HEPHL1: variants seen among roughly 807,000 people sequenced by gnomAD.
HEPHL1 encodes ferroxidase HEPHL1.
A neutral mutation model predicts 122.0 loss-of-function variants in HEPHL1; 123 were observed. The observed-to-expected ratio is 1.01, with a 90% CI of 0.87 to 1.17. The LOEUF (loss-of-function observed/expected upper bound fraction) is 1.17, where lower values mean the gene tolerates loss of function less well. HEPHL1 is among the 50% of genes most tolerant of loss of function. The pLI is 0.00. For synonymous variants in HEPHL1, 527 were observed against 508.9 expected, an observed-to-expected ratio of 1.04 and a Z score of -0.48; for missense variants, 1,452 against 1,430.5, an observed-to-expected ratio of 1.01 and a Z score of -0.24.
At chr11:94,066,588 G>A (rs1946036278) in intron 4 of HEPHL1, among the ~76,000 whole-genome samples, 1 of 151,966 alleles carries the variant, frequency 6.6e-6, no homozygotes. Flanking sequence ...ACTGGAAAAA[G>A]AGACCTAATC....
intron 2 of HEPHL1, among the ~76,000 whole-genome samples, chr11:94,057,821 G>C (rs920121502): frequency 6.6e-6 from 1 of 151,788 alleles, no homozygotes; most frequent in African/African-American, 2.4e-5. Flanking sequence ...AATCACACTT[G>C]CCTGTTTCTT....
chr11:94,070,450 G>T lies in HEPHL1; in HGVS notation c.1140G>T (p.Arg380Ser), dbSNP rs780507774. 3.1e-6 allele frequency: 5 copies of T among 1,608,472 alleles called. No individual in the cohort carries two copies. The highest frequency in any genetic ancestry group is 4.2e-6 in the Non-Finnish European group (5 of 1,177,170). ...IFYPKMKGQQ[R>S]RYFIAAEKIL... ...ACCCCAAGATGAAGGGTCAACAGAG[G>T]CGCTACTTTATAGCAGCTGAAAAAA... is the stretch of plus-strand genomic sequence containing the variant. The change falls in exon 6 of 20, where the codon AGG becomes AGT. Residue 380 changes from arginine to serine, a missense_variant. Physicochemically the swap from Arg to Ser is moderately radical, Grantham distance 110. Coordinates refer to ENST00000315765, the MANE Select transcript of HEPHL1 (RefSeq NM_001098672.2).
intron 10 of HEPHL1, 47 bp from the exon 11 acceptor site, chr11:94,085,930 C>T: frequency 7.5e-7 from 1 of 1,341,584 alleles, no homozygotes; most frequent in Non-Finnish European, 1.1e-6. Context: ...AGCTCCCCTG[C>T]CCCATACACA....
intron 1 of HEPHL1, among the ~76,000 whole-genome samples, chr11:94,042,988 G>T (rs1207598327): frequency 6.6e-6 from 1 of 151,672 alleles, no homozygotes; most frequent in Non-Finnish European, 1.5e-5. Context: ...GTTTCCTTTG[G>T]AAAGGATTGG....
chr11:94,066,753 A>G (rs1946038009), intron 4 of HEPHL1, among the ~76,000 whole-genome samples: 1 of 152,156 alleles, frequency 6.6e-6, no homozygotes, highest in Admixed American at 6.5e-5. Flanking sequence ...ATTGCTTTTA[A>G]CTCAGTTCGA....
chr11:94,046,996 G>A (rs1010264503), intron 2 of HEPHL1, among the ~76,000 whole-genome samples: 2 of 152,144 alleles, frequency 1.3e-5, no homozygotes, highest in African/African-American at 4.8e-5. Flanking sequence ...TAACTTGTGA[G>A]GCAGCTGCTC....
At chr11:94,054,534 T>C (rs1780434899) in intron 2 of HEPHL1, among the ~76,000 whole-genome samples, 1 of 152,220 alleles carries the variant, frequency 6.6e-6, no homozygotes, top group Admixed American at 6.5e-5. Flanking sequence ...TCTCTGACCC[T>C]CTCCAGCACC....
chr11:94,102,788 G>C (rs1946377749), intron 14 of HEPHL1, 126 bp from the exon 15 acceptor site: 2 of 590,108 alleles, frequency 3.4e-6, no homozygotes, highest in Non-Finnish European at 5.9e-6. Context: ...CATTTGTAAT[G>C]AATGAGTAAT....
At chr11:94,062,303 T>G (rs557236316) in intron 2 of HEPHL1, among the ~76,000 whole-genome samples, 1 of 152,338 alleles carries the variant, frequency 6.6e-6, no homozygotes, top group South Asian at 2.1e-4. Context: ...AAAGTAACTG[T>G]GATAATGTAT....
intron 13 of HEPHL1, among the ~76,000 whole-genome samples, chr11:94,100,322 G>A (rs1337631408): frequency 6.6e-6 from 1 of 152,206 alleles, no homozygotes; most frequent in African/African-American, 2.4e-5. Context: ...GTATCTCCCT[G>A]TGAATGTAGA....
In HEPHL1 at chr11:94,079,677, G is replaced by A. The variant is rs1055687105; in HGVS notation, c.1717-2741G>A. On this transcript the variant is annotated intron_variant, in intron 9 of 19. Transcript: ENST00000315765. ...GCAGAACACAGCAAGTGCAGAGGGT[G>A]ACAAGGAGCTTGGCCTTGCTTCAAA... 2.0e-5 allele frequency among the ~76,000 whole-genome samples: 3 copies of A among 152,316 alleles called. No homozygotes were observed. The South Asian group carries it at 6.2e-4, about 32-fold the overall frequency.
chr11:94,102,549 G>T (rs1336072513), intron 14 of HEPHL1, among the ~76,000 whole-genome samples: 1 of 152,176 alleles, frequency 6.6e-6, no homozygotes, highest in Non-Finnish European at 1.5e-5. Flanking sequence ...TCCCATAAGA[G>T]GCCAAAGCAG....
At chr11:94,108,421 C>T (rs1465871078) in intron 17 of HEPHL1, among the ~76,000 whole-genome samples, 1 of 151,880 alleles carries the variant, frequency 6.6e-6, no homozygotes, top group African/African-American at 2.4e-5. Flanking sequence ...AAATGAAGTA[C>T]AATTTTTCTT....
At chr11:94,093,683 G>A (rs929884710) in intron 13 of HEPHL1, 43 bp downstream of exon 13, 1 of 1,593,330 alleles carries the variant, frequency 6.3e-7, no homozygotes, top group Non-Finnish European at 8.5e-7. Flanking sequence ...CCCCAAGCAT[G>A]TGCATGCACA....
At chr11:94,080,977 A>G (rs372480867) in intron 9 of HEPHL1, among the ~76,000 whole-genome samples, 89 of 152,334 alleles carry the variant, frequency 5.8e-4, no homozygotes, top group African/African-American at 1.8e-3. Context: ...TTCTATCACA[A>G]AGATACATGC....
intron 9 of HEPHL1, among the ~76,000 whole-genome samples, chr11:94,078,848 A>G (rs1946147418): frequency 6.6e-6 from 1 of 152,036 alleles, no homozygotes; most frequent in Admixed American, 6.6e-5. Flanking sequence ...TGTTAATCTC[A>G]TCCAAAAACA....
At chr11:94,069,592 TATATC>T (rs1946058754) in intron 5 of HEPHL1, among the ~76,000 whole-genome samples, 1 of 152,198 alleles carries the variant, frequency 6.6e-6, no homozygotes, top group Non-Finnish European at 1.5e-5. Flanking sequence ...CATTTACAAA[TATATC>T]AGAAACACAT....
chr11:94,073,102 T>C lies in HEPHL1; in HGVS notation c.1310T>C (p.Val437Ala), dbSNP rs1946090561. 6.2e-7 allele frequency: 1 copy of C among 1,613,192 alleles called. No homozygotes were observed. The highest frequency in any genetic ancestry group is 2.2e-5 in the East Asian group (1 of 44,872). The change falls in exon 7 of 20, where the codon GTT becomes GCT. Residue 437 changes from valine to alanine, a missense_variant. Transcript: ENST00000315765. ...KYWKVRYTEF[V>A]DATFTKRKRL... Reference sequence around the variant, plus strand: ...TGGAAGGTTCGGTATACTGAATTTGTTGATGCAACTTTTACTAAAAGAAAG... The same window carrying C: ...TGGAAGGTTCGGTATACTGAATTTGCTGATGCAACTTTTACTAAAAGAAAG...
At chr11:94,071,741 G>A (rs1946075645) in intron 6 of HEPHL1, among the ~76,000 whole-genome samples, 1 of 152,100 alleles carries the variant, frequency 6.6e-6, no homozygotes, top group Admixed American at 6.6e-5. Context: ...TGAGTTATCT[G>A]GATGCTCAGA....
Sources: gnomAD v4.1 joint callset for allele counts (sites outside exome capture counted in the v4.1 genomes callset) on GRCh38, gnomAD v4.1.1 for gene constraint, MANE v1.5 for transcripts, NCBI Gene and HGNC (gene_info 2026-07-23, HGNC 2026-07-21) for gene names.